The following TEX9 variants were observed in gnomAD, a reference collection of about 807,000 sequenced individuals.
The protein encoded by TEX9 is testis-expressed protein 9.
In TEX9, 74 loss-of-function variants were observed where a neutral mutation model predicts 59.6. That is an observed-to-expected ratio of 1.24 (90% CI 1.03 to 1.51). TEX9 has a LOEUF of 1.51. Among genes scored for constraint, TEX9 ranks in the 40% most tolerant of loss-of-function variants. The pLI, the probability that TEX9 is intolerant of heterozygous loss-of-function variation, is 0.00. For missense variants in TEX9, 522 were observed against 447.8 expected (o/e 1.17, Z -1.49); for synonymous variants, 186 against 152.2 (o/e 1.22, Z -1.64).
chr15:56,388,061 A>G (rs2048041134), intron 4 of TEX9, among the ~76,000 whole-genome samples: 1 of 152,048 alleles, frequency 6.6e-6, no homozygotes, highest in African/African-American at 2.4e-5. Flanking sequence ...AGAGTTCACA[A>G]TATAATGAGG....
intron 1 of TEX9, among the ~76,000 whole-genome samples, chr15:56,304,230 C>G (rs1596075879): frequency 6.6e-6 from 1 of 152,142 alleles, no homozygotes; most frequent in East Asian, 1.9e-4. Context: ...TTTGGACGCC[C>G]TTTATTTCTT....
intron 2 of TEX9, among the ~76,000 whole-genome samples, chr15:56,368,229 G>C (rs2047033485): frequency 6.6e-6 from 1 of 152,070 alleles, no homozygotes; most frequent in African/African-American, 2.4e-5. Context: ...TAATTCAGCT[G>C]TTGGTATGTT....
intron 1 of TEX9, among the ~76,000 whole-genome samples, chr15:56,275,800 T>C (rs1181606191): frequency 2.0e-5 from 3 of 152,186 alleles, no homozygotes; most frequent in Admixed American, 6.5e-5. Context: ...TTCCATTCAT[T>C]CTTGTTTAGC....
chr15:56,364,798 T>C (rs1327620766), upstream of TEX9, among the ~76,000 whole-genome samples: 1 of 152,210 alleles, frequency 6.6e-6, no homozygotes, highest in Non-Finnish European at 1.5e-5. Flanking sequence ...TCCAAAACAA[T>C]TGAAATTGTT....
chr15:56,267,480 A>T (rs1251835479), intron 1 of TEX9, among the ~76,000 whole-genome samples: 1 of 152,198 alleles, frequency 6.6e-6, no homozygotes, highest in African/African-American at 2.4e-5. Context: ...TTAAGTCTTT[A>T]ATCCATCTTG....
intron 1 of TEX9, among the ~76,000 whole-genome samples, chr15:56,328,824 T>A (rs763156821): frequency 1.3e-5 from 2 of 152,138 alleles, no homozygotes; most frequent in Non-Finnish European, 2.9e-5. Context: ...CTGACTCCTG[T>A]ATGGCATCAC....
intron 9 of TEX9, among the ~76,000 whole-genome samples, chr15:56,399,770 A>G (rs1158889163): frequency 6.6e-6 from 1 of 152,234 alleles, no homozygotes; most frequent in East Asian, 1.9e-4. Context: ...CGGAGGAAGC[A>G]TCAGCCAGCA....
intron 1 of TEX9, among the ~76,000 whole-genome samples, chr15:56,321,366 C>G (rs1207762940): frequency 6.6e-6 from 1 of 152,094 alleles, no homozygotes; most frequent in Non-Finnish European, 1.5e-5. Context: ...ATGCAGGGCT[C>G]AAATGGAAAG....
At chr15:56,450,443 A>G (rs1208350653), downstream of TEX9, among the ~76,000 whole-genome samples, 4 of 152,128 alleles carry the variant, frequency 2.6e-5, no homozygotes, top group Admixed American at 2.0e-4. Context: ...TAACCCCTGG[A>G]ATTCCTAATC....
Position 56,385,116 on chromosome 15 carries a change from C to G in TEX9, c.263+1085C>G, listed in dbSNP as rs775961113. The stretch of plus-strand genomic sequence containing the variant: ...TATTTGTTGAGAAGACTGTTCTTTC[C>G]CCATTGAATGTTCTTAGCACTTTTG... On this transcript the variant is annotated intron_variant, in intron 4 of 12. Coordinates refer to ENST00000352903, the Ensembl canonical transcript of TEX9. Among the ~76,000 whole-genome samples, 37 of 152,048 alleles carry G rather than the reference C, an allele frequency of 2.4e-4. 1 individual carries two copies. The highest frequency in any genetic ancestry group is 4.6e-4 in the Admixed American group (7 of 15,256).
intron 10 of TEX9, among the ~76,000 whole-genome samples, chr15:56,420,122 C>G (rs1202217180): frequency 6.6e-6 from 1 of 151,548 alleles, no homozygotes; most frequent in African/African-American, 2.4e-5. Context: ...GGTCATTCCC[C>G]CCTCTCATTC....
intron 1 of TEX9, among the ~76,000 whole-genome samples, chr15:56,280,443 C>G (rs1377080966): frequency 6.6e-6 from 1 of 152,108 alleles, no homozygotes; most frequent in Non-Finnish European, 1.5e-5. Flanking sequence ...TTCCTTGTAT[C>G]TTCTGAACAT....
the TEX9 span, chr15:56,456,620 C>A: frequency 8.7e-7 from 1 of 1,147,450 alleles, no homozygotes; most frequent in Non-Finnish European, 1.2e-6. Flanking sequence ...TGCCTTAAGG[C>A]CAACAATTGA....
chr15:56,407,400 A>G (rs2049131522), intron 9 of TEX9, among the ~76,000 whole-genome samples: 2 of 151,846 alleles, frequency 1.3e-5, no homozygotes, highest in African/African-American at 4.8e-5. Context: ...GTCTATTCTG[A>G]TTTTCTGCTA....
chr15:56,321,132 G>A (rs2045892080), intron 1 of TEX9, among the ~76,000 whole-genome samples: 1 of 152,124 alleles, frequency 6.6e-6, no homozygotes, highest in Non-Finnish European at 1.5e-5. Flanking sequence ...TGATTCATGG[G>A]TCAGAGTTCC....
intron 1 of TEX9, among the ~76,000 whole-genome samples, chr15:56,337,860 T>G (rs1040531994): frequency 1.3e-5 from 2 of 152,230 alleles, no homozygotes; most frequent in Admixed American, 6.5e-5. Flanking sequence ...TGCAGGAGTC[T>G]GTGTTTCCCA....
rs115105915 is a variant in TEX9, at chr15:56,320,866, A to G, written c.-106-52575A>G. 9.8e-3 allele frequency among the ~76,000 whole-genome samples: 1,486 copies of G among 152,328 alleles called. 22 individuals are homozygous for G. Among genetic ancestry groups the G allele is most frequent in the African/African-American group, 0.034 (1,405 of 41,558 alleles). ...TTTGTTTTCCTTTGCCCCTTTGGAC[A>G]CATATCTCCCTCAGGAATATTGTGA... On this transcript the variant is annotated intron_variant, in intron 1 of 5. Coordinates refer to the TEX9 transcript ENST00000560827.
intron 1 of TEX9, among the ~76,000 whole-genome samples, chr15:56,340,594 G>C (rs2046354038): frequency 6.6e-6 from 1 of 152,106 alleles, no homozygotes; most frequent in Non-Finnish European, 1.5e-5. Context: ...TGTCATGGGA[G>C]AGCCCTTAGA....
chr15:56,359,545 C>A (rs1446871456), intron 1 of TEX9, among the ~76,000 whole-genome samples: 1 of 152,064 alleles, frequency 6.6e-6, no homozygotes, highest in Non-Finnish European at 1.5e-5. Flanking sequence ...AATTTCATTT[C>A]TTTTTAAGGC....
Sources: allele counts gnomAD v4.1 joint callset (sites outside exome capture counted in the v4.1 genomes callset), GRCh38; gene constraint gnomAD v4.1.1; transcripts MANE v1.5; gene names NCBI Gene and HGNC (gene_info 2026-07-23, HGNC 2026-07-21).